NUB1: variants seen among roughly 807,000 people sequenced by gnomAD.
NUB1 encodes the protein NEDD8 ultimate buster 1.
NUB1 carries 41 observed loss-of-function variants against 77.1 expected under a neutral mutation model. The observed-to-expected ratio is 0.53, with a 90% CI of 0.41 to 0.69. The LOEUF (loss-of-function observed/expected upper bound fraction) is 0.69. NUB1 is among the 30% of genes least tolerant of loss of function. The probability of loss-of-function intolerance (pLI) is 0.00; values close to 1 mark genes in which losing one functional copy is unlikely to be tolerated. For missense variants in NUB1, 643 were observed against 743.8 expected, an observed-to-expected ratio of 0.86 and a Z score of 1.58; for synonymous variants, 257 against 281.0, an observed-to-expected ratio of 0.91 and a Z score of 0.85.
chr7:151,366,471 C>A lies in NUB1; in HGVS notation c.801-468C>A, dbSNP rs191371372. On this transcript the variant is annotated intron_variant, in intron 8 of 14. Coordinates refer to ENST00000568733, the MANE Select transcript of NUB1 (RefSeq NM_001243351.2). ...CTGGCAGTATAACCACCAGGCCCAA[C>A]CCCCAGAAATTTCTGTTATGTTTGG... 9.9e-4 allele frequency among the ~76,000 whole-genome samples: 150 copies of A among 152,180 alleles called. 1 individual carries two copies. Among genetic ancestry groups the A allele is most frequent in the African/African-American group, 3.2e-3 (133 of 41,514 alleles).
intron 8 of NUB1, among the ~76,000 whole-genome samples, chr7:151,363,453 T>TAAAAA (rs34455667): frequency 1.0e-4 from 14 of 140,600 alleles, no homozygotes; most frequent in African/African-American, 3.7e-4. Context: ...GAGAAAAGGC[T>TAAAAA]AAAAAAAAAA....
At chr7:151,357,467 G>A (rs529282245) in intron 7 of NUB1, among the ~76,000 whole-genome samples, 9 of 152,252 alleles carry the variant, frequency 5.9e-5, no homozygotes, top group Admixed American at 5.2e-4. Context: ...TGGACTCTAA[G>A]ATCAATCTCT....
chr7:151,344,962 T>G (rs955052048), intron 1 of NUB1, among the ~76,000 whole-genome samples: 6 of 152,156 alleles, frequency 3.9e-5, no homozygotes, highest in Non-Finnish European at 1.5e-5. Flanking sequence ...ATCGCACCAC[T>G]GCACTCCAGC....
chr7:151,376,938 C>A, intron 14 of NUB1, 109 bp from the exon 15 acceptor site: 1 of 1,407,060 alleles, frequency 7.1e-7, no homozygotes, highest in South Asian at 1.5e-5. Flanking sequence ...GGCCGGCCAC[C>A]TGGACAGTGT....
intron 7 of NUB1, among the ~76,000 whole-genome samples, chr7:151,359,268 C>G (rs954050689): frequency 2.1e-5 from 3 of 143,810 alleles, no homozygotes; most frequent in Non-Finnish European, 4.5e-5. Flanking sequence ...GAAACCCTGT[C>G]TCTACTAAAA....
intron 7 of NUB1, among the ~76,000 whole-genome samples, chr7:151,358,038 C>T (rs1419768632): frequency 1.3e-5 from 2 of 151,990 alleles, no homozygotes; most frequent in Non-Finnish European, 2.9e-5. Flanking sequence ...TGCAGTGGCA[C>T]AATCTTGGCT....
Position 151,377,378 on chromosome 7 carries a change from C to T in NUB1, c.*153C>T. ...GCAGGGGACAAGTCCAGGAGGGGTC[C>T]CAGGGCCTTCATGCGTGGTCTCGGG... is the stretch of plus-strand genomic sequence containing the variant. On this transcript the variant is annotated 3_prime_UTR_variant, in exon 15 of 15. Coordinates refer to ENST00000568733, the MANE Select transcript of NUB1 (RefSeq NM_001243351.2). 7.5e-6 allele frequency: 4 copies of T among 533,946 alleles called. No homozygotes were observed. The South Asian group carries it at 8.9e-5, about 12-fold the overall frequency. The allele number at this position is 533,946 out of a possible 1,614,324, so 33.1% of individuals were successfully genotyped here.
At chr7:151,347,532 A>T (rs1251186975) in intron 2 of NUB1, among the ~76,000 whole-genome samples, 2 of 152,078 alleles carry the variant, frequency 1.3e-5, no homozygotes, top group African/African-American at 4.8e-5. Flanking sequence ...GCCATAGTTC[A>T]TTGCAGCCTC....
At chr7:151,355,403 A>G (rs1797019343) in intron 5 of NUB1, among the ~76,000 whole-genome samples, 1 of 152,208 alleles carries the variant, frequency 6.6e-6, no homozygotes, top group Non-Finnish European at 1.5e-5. Context: ...GTCCAGGAGC[A>G]AGGCCTGATG....
chr7:151,368,357 AC>A (rs1331031391), intron 10 of NUB1, among the ~76,000 whole-genome samples: 1 of 152,174 alleles, frequency 6.6e-6, no homozygotes, highest in East Asian at 1.9e-4. Context: ...CCGCAGCTGC[AC>A]CCAGCGCTGT....
intron 3 of NUB1, chr7:151,351,165 AAGACGTCC>A (rs1448946551): frequency 4.0e-5 from 17 of 429,258 alleles, no homozygotes; most frequent in Non-Finnish European, 6.2e-5. Flanking sequence ...TGAAATGTTA[AAGACGTCC>A]AGCTGTGTGA....
intron 1 of NUB1, among the ~76,000 whole-genome samples, chr7:151,344,910 G>A (rs975082024): frequency 3.3e-5 from 5 of 151,902 alleles, no homozygotes; most frequent in Non-Finnish European, 5.9e-5. Flanking sequence ...TGATGCAGGG[G>A]AATTGCTTGA....
At chr7:151,358,113 C>G (rs1797173415) in intron 7 of NUB1, among the ~76,000 whole-genome samples, 1 of 151,316 alleles carries the variant, frequency 6.6e-6, no homozygotes, top group African/African-American at 2.4e-5. Flanking sequence ...GTAGCTGGGA[C>G]TACAGTGCAC....
intron 7 of NUB1, among the ~76,000 whole-genome samples, chr7:151,357,948 G>A (rs1797162133): frequency 6.6e-6 from 1 of 151,716 alleles, no homozygotes; most frequent in Non-Finnish European, 1.5e-5. Flanking sequence ...GTGGATCAGT[G>A]TTTGAGTTAT....
At chr7:151,368,379 C>CATTG (rs998323872) in intron 10 of NUB1, among the ~76,000 whole-genome samples, 4 of 152,192 alleles carry the variant, frequency 2.6e-5, no homozygotes, top group African/African-American at 7.2e-5. Context: ...GGCTGCATGC[C>CATTG]ATTGACTTCG....
intron 1 of NUB1, among the ~76,000 whole-genome samples, chr7:151,342,829 A>C (rs1796275278): frequency 6.6e-6 from 1 of 152,034 alleles, no homozygotes; most frequent in African/African-American, 2.4e-5. Flanking sequence ...CATCTTTTTA[A>C]AAATTTTTTA....
At position 151,376,728 on chromosome 7, in the gene NUB1, A is replaced by C; in HGVS notation, c.1586A>C (p.Asn529Thr). 6.2e-7 allele frequency: 1 copy of C among 1,605,532 alleles called. No individual in the cohort carries two copies. The highest frequency in any genetic ancestry group is 8.5e-7 in the Non-Finnish European group (1 of 1,176,658). ...VQLAAQTLAH[N>T]GGSLPPELPL... ...CTGGCCGCCCAGACCCTTGCTCACA[A>C]CGGAGGAAGCCTGCCTCCCGAGCTG... The change falls in exon 14 of 15, where the codon AAC (asparagine) becomes ACC (threonine). Residue 529 changes from asparagine to threonine, a missense_variant. Transcript: ENST00000568733.
In NUB1 at chr7:151,367,255, T is replaced by A. The variant is rs189429818; in HGVS notation, c.987+130T>A. ...GATAGTAGTATGCAGTATAGTCTTTTTAAACTATATATTTATAAAGTGTTC... is the reference window on the plus strand; with the variant it reads ...GATAGTAGTATGCAGTATAGTCTTTATAAACTATATATTTATAAAGTGTTC... On this transcript the variant is annotated intron_variant, in intron 9 of 14. Transcript: ENST00000568733. 3 of 678,066 alleles carry A rather than the reference T, an allele frequency of 4.4e-6. No individual in the cohort carries two copies. In the East Asian group the frequency reaches 8.4e-5, roughly 19 times the overall value. The allele number at this position is 678,066 out of a possible 1,614,324, so 42.0% of individuals were successfully genotyped here.
At chr7:151,374,884 GA>G (rs1490825473) in intron 12 of NUB1, among the ~76,000 whole-genome samples, 2 of 152,210 alleles carry the variant, frequency 1.3e-5, no homozygotes, top group Non-Finnish European at 2.9e-5. Flanking sequence ...CACACGTGGT[GA>G]GGGGTCCCGA....
Sources: allele counts gnomAD v4.1 joint callset (sites outside exome capture counted in the v4.1 genomes callset), GRCh38; gene constraint gnomAD v4.1.1; transcripts MANE v1.5; gene names NCBI Gene and HGNC (gene_info 2026-07-23, HGNC 2026-07-21).